The following FAM228B variants were observed in gnomAD, a reference collection of about 807,000 sequenced individuals.
FAM228B encodes the protein protein FAM228B.
Under a neutral mutation model 42.6 loss-of-function variants are expected in FAM228B, and 38 were observed. The observed-to-expected ratio is 0.89, with a 90% CI of 0.69 to 1.17. The LOEUF is 1.17. Among genes scored for constraint, FAM228B ranks in the 50% most tolerant of loss-of-function variants. The pLI, the probability that FAM228B is intolerant of heterozygous loss-of-function variation, is 0.00. For missense variants in FAM228B, 344 were observed against 367.3 expected, an observed-to-expected ratio of 0.94 and a Z score of 0.52; for synonymous variants, 109 against 122.3, an observed-to-expected ratio of 0.89 and a Z score of 0.72.
At chr2:24,089,432 G>C (rs1442736266) in intron 2 of FAM228B, among the ~76,000 whole-genome samples, 1 of 152,128 alleles carries the variant, frequency 6.6e-6, no homozygotes, top group Non-Finnish European at 1.5e-5. Flanking sequence ...AAAAAAAAAG[G>C]AAGATTTTTT....
intron 2 of FAM228B, among the ~76,000 whole-genome samples, chr2:24,126,407 A>G (rs1160587993): frequency 6.6e-6 from 1 of 152,078 alleles, no homozygotes; most frequent in Non-Finnish European, 1.5e-5. Flanking sequence ...GTGACATCTC[A>G]TTGTGGTTTT....
intron 5 of FAM228B, among the ~76,000 whole-genome samples, chr2:24,144,423 C>G (rs941730870): frequency 5.9e-5 from 9 of 152,152 alleles, no homozygotes; most frequent in African/African-American, 2.2e-4. Flanking sequence ...GAGACCCTGT[C>G]GGAGAGCTTC....
chr2:24,140,612 A>G (rs996600780), intron 5 of FAM228B, among the ~76,000 whole-genome samples: 8 of 152,216 alleles, frequency 5.3e-5, no homozygotes, highest in African/African-American at 1.7e-4. Context: ...AATTTTCAAG[A>G]ATACAATACC....
intron 5 of FAM228B, among the ~76,000 whole-genome samples, chr2:24,145,508 A>G (rs1314236002): frequency 6.6e-6 from 1 of 152,212 alleles, no homozygotes; most frequent in Non-Finnish European, 1.5e-5. Context: ...GAAAACAGGA[A>G]GAAGCCTCCA....
At chr2:24,124,781 C>A (rs969921427) in intron 2 of FAM228B, among the ~76,000 whole-genome samples, 5 of 152,126 alleles carry the variant, frequency 3.3e-5, no homozygotes, top group Non-Finnish European at 5.9e-5. Context: ...CAGGGTCTTG[C>A]TATGTTTCCT....
Position 24,117,501 on chromosome 2 carries a change from G to T in FAM228B, c.-120-17618G>T, listed in dbSNP as rs570182889. Among the ~76,000 whole-genome samples, 22 of 151,082 alleles carry T rather than the reference G, an allele frequency of 1.5e-4. 1 individual carries two copies. The East Asian group carries it at 4.1e-3, about 28-fold the overall frequency. ...TGTGACGCCCAGGCTGGAGTGCAAT[G>T]GCGCTATTTTGGCTCACTGCAACCT... On this transcript the variant is annotated intron_variant, in intron 3 of 10. Transcript: ENST00000613899.
intron 2 of FAM228B, among the ~76,000 whole-genome samples, chr2:24,087,035 T>A (rs1665273105): frequency 6.6e-6 from 1 of 152,036 alleles, no homozygotes; most frequent in Admixed American, 6.6e-5. Context: ...GGAGTAACTT[T>A]AAAAAAAATC....
intron 3 of FAM228B, among the ~76,000 whole-genome samples, chr2:24,104,151 G>GC (rs1353080537): frequency 6.6e-6 from 1 of 152,188 alleles, no homozygotes; most frequent in African/African-American, 2.4e-5. Flanking sequence ...TCAGCATGGA[G>GC]CCAGGAGAAC....
intron 3 of FAM228B, among the ~76,000 whole-genome samples, chr2:24,097,779 A>G (rs11125422): frequency 0.12 from 18,108 of 152,208 alleles, 1,259 homozygotes; most frequent in South Asian, 0.18. Flanking sequence ...TGCAACAAGC[A>G]GACCTAATAG....
chr2:24,135,121 T>A lies in FAM228B; in HGVS notation c.102T>A (p.Val34=), dbSNP rs1666549634. 2.0e-6 allele frequency: 3 copies of A among 1,494,158 alleles called. No individual in the cohort carries two copies. Among genetic ancestry groups the A allele is most frequent in the Non-Finnish European group, 2.7e-6 (3 of 1,103,426 alleles). The allele number at this position is 1,494,158 out of a possible 1,614,324, so 92.6% of individuals were successfully genotyped here. ...AAAGTTTAATTCTGTCCTTTCAGGTTTTAGCTAAAGAAGATACTGAGGCAG... is the reference window on the plus strand; with the variant it reads ...AAAGTTTAATTCTGTCCTTTCAGGTATTAGCTAAAGAAGATACTGAGGCAG... ...LEPKPLCFME[V]LAKEDTEAAI... is the part of the protein sequence containing the mutation. The change falls in exon 3 of 11, where the codon GTT becomes GTA. Residue 34 remains valine, a splice_region_variant and synonymous_variant. Coordinates refer to ENST00000615575, the MANE Select transcript of FAM228B (RefSeq NM_001145710.2).
At chr2:24,142,593 T>C (rs1259354120) in intron 5 of FAM228B, 2 of 152,244 alleles carry the variant, frequency 1.3e-5, no homozygotes, top group Non-Finnish European at 2.9e-5. Flanking sequence ...TGCTTTTTTT[T>C]CTTCCATGAA....
At position 24,166,090 on chromosome 2, in the gene FAM228B, T is replaced by G. The variant is rs887494214; in HGVS notation, c.933-1537T>G. 1.8e-4 allele frequency: 26 copies of G among 147,648 alleles called. No individual in the cohort carries two copies. The South Asian group carries it at 2.6e-3, about 15-fold the overall frequency. The allele number at this position is 147,648 out of a possible 1,614,324, so 9.1% of individuals were successfully genotyped here. On this transcript the variant is annotated intron_variant, in intron 9 of 10. Transcript: ENST00000615575. ...ATATATATGTATGTATTCACATATA[T>G]ATAGATAGATAGATAGATATAGGTG...
At chr2:24,115,682 T>C in intron 3 of FAM228B, 2 of 1,530,416 alleles carry the variant, frequency 1.3e-6, no homozygotes, top group Admixed American at 3.4e-5. Context: ...CATTCATCCA[T>C]TTATTATTCC....
chr2:24,098,241 A>C (rs1291941889), intron 3 of FAM228B, among the ~76,000 whole-genome samples: 2 of 152,206 alleles, frequency 1.3e-5, no homozygotes, highest in Non-Finnish European at 2.9e-5. Context: ...AGCAAGAGCA[A>C]ACAAATTCAA....
intron 3 of FAM228B, among the ~76,000 whole-genome samples, chr2:24,109,104 A>G (rs1462218530): frequency 2.0e-5 from 3 of 151,380 alleles, no homozygotes; most frequent in Non-Finnish European, 4.4e-5. Context: ...GAGAGAGCCC[A>G]GAAATAATGC....
At chr2:24,132,796 T>C (rs975644302) in intron 2 of FAM228B, among the ~76,000 whole-genome samples, 2 of 152,204 alleles carry the variant, frequency 1.3e-5, no homozygotes, top group Non-Finnish European at 1.5e-5. Context: ...TATTGAGCTT[T>C]TGTTTTAGGA....
chr2:24,080,010 T>A lies in FAM228B; in HGVS notation c.-289-866T>A, dbSNP rs10495746. ...AAGTTAGGAAGTGTCCGCACTAGGT[T>A]ATTGGAATCATAGGCTTTCTAGCTT... On this transcript the variant is annotated intron_variant, in intron 1 of 10. Transcript: ENST00000613899. The surrounding 1 kb of genome is among the most constrained non-coding windows in gnomAD (Gnocchi z 4.7). Among the ~76,000 whole-genome samples the A allele has an allele frequency of 0.07, 10,701 of 152,200 alleles. 514 individuals carry two copies. Among genetic ancestry groups the A allele is most frequent in the Middle Eastern group, 0.13 (37 of 294 alleles).
intron 2 of FAM228B, among the ~76,000 whole-genome samples, chr2:24,128,367 G>A (rs942338018): frequency 3.3e-5 from 5 of 152,142 alleles, no homozygotes; most frequent in Middle Eastern, 3.2e-3. Context: ...GGGATTACAG[G>A]TGTGAGCCAT....
chr2:24,149,436 T>G (rs969083735), intron 7 of FAM228B, among the ~76,000 whole-genome samples: 1 of 152,196 alleles, frequency 6.6e-6, no homozygotes, highest in Admixed American at 6.6e-5. Flanking sequence ...GAAGAGATGA[T>G]AACTCATTGT....
Sources: gnomAD v4.1 joint callset for allele counts (sites outside exome capture counted in the v4.1 genomes callset) on GRCh38, gnomAD v4.1.1 for gene constraint, Gnocchi (gnomAD v3.1) non-coding constraint, MANE v1.5 for transcripts, NCBI Gene and HGNC (gene_info 2026-07-23, HGNC 2026-07-21) for gene names.